Variants in GGPS1 observed in about 807,000 individuals in gnomAD.
GGPS1 encodes geranylgeranyl diphosphate synthase 1, also known as geranylgeranyl pyrophosphate synthase.
Under a neutral mutation model 28.1 loss-of-function variants are expected in GGPS1, and 15 were observed. The observed-to-expected ratio is 0.53, with a 90% CI of 0.36 to 0.82. The LOEUF (loss-of-function observed/expected upper bound fraction) is 0.82. Ranked by LOEUF, GGPS1 falls within the 40% of genes least tolerant of loss-of-function variation. The pLI, the probability that GGPS1 is intolerant of heterozygous loss-of-function variation, is 0.01. For synonymous variants in GGPS1, 138 were observed against 122.4 expected (o/e 1.13, Z -0.84); for missense variants, 284 against 348.3 (o/e 0.82, Z 1.47).
At chr1:235,340,609 G>A (rs1288900419) in intron 2 of GGPS1, among the ~76,000 whole-genome samples, 3 of 150,446 alleles carry the variant, frequency 2.0e-5, no homozygotes, top group East Asian at 3.9e-4. Context: ...GGTAGCGGGC[G>A]CCTGTAGTCC....
At chr1:235,334,072 T>C (rs2103341824) in intron 1 of GGPS1, among the ~76,000 whole-genome samples, 1 of 152,266 alleles carries the variant, frequency 6.6e-6, no homozygotes, top group Middle Eastern at 3.4e-3. Flanking sequence ...CAGATTTCAG[T>C]ATAAAGGGGA....
intron 1 of GGPS1, 90 bp from the exon 2 acceptor site, chr1:235,335,152 C>A (rs1471246255): frequency 3.2e-6 from 2 of 631,824 alleles, no homozygotes; most frequent in East Asian, 5.7e-5. Context: ...GGTGTCTTTT[C>A]ACAAACACCC....
At chr1:235,337,280 A>G (rs571634448) in intron 2 of GGPS1, among the ~76,000 whole-genome samples, 3 of 152,332 alleles carry the variant, frequency 2.0e-5, no homozygotes, top group East Asian at 1.9e-4. Context: ...GACTGCCTAC[A>G]GTTACATTTT....
At chr1:235,335,411 G>C (rs1572269643) in intron 2 of GGPS1, 77 bp downstream of exon 2, 1 of 685,722 alleles carries the variant, frequency 1.5e-6, no homozygotes, top group Non-Finnish European at 2.6e-6. Context: ...AATAGAAAAG[G>C]TTAGACTTGC....
At chr1:235,332,509 A>G (rs59063598) in intron 1 of GGPS1, among the ~76,000 whole-genome samples, 4,733 of 152,300 alleles carry the variant, frequency 0.031, 183 homozygotes, top group African/African-American at 0.093. Flanking sequence ...ACTATTGTGA[A>G]TAGTGCTGTA....
chr1:235,328,040 G>A (rs1558321042), upstream of GGPS1: 1 of 152,796 alleles, frequency 6.5e-6, no homozygotes, highest in African/African-American at 2.4e-5. Flanking sequence ...CCCTCCAGAG[G>A]ACGGCGGCGA....
chr1:235,341,177 A>G (rs1308463514), intron 2 of GGPS1, among the ~76,000 whole-genome samples: 2 of 152,078 alleles, frequency 1.3e-5, no homozygotes, highest in Admixed American at 1.3e-4. Context: ...AAAATATACA[A>G]AAATTAGCCA....
rs943292076 is a variant in GGPS1 at position 235,343,644 on chromosome 1, T to G, written c.*872T>G. ...TTCCTCTCCACCCCACAAGTTTTGCTTTTTAACCAAGGTGTCTCTGCTTGA... is the reference window on the plus strand; with the variant it reads ...TTCCTCTCCACCCCACAAGTTTTGCGTTTTAACCAAGGTGTCTCTGCTTGA... On this transcript the variant is annotated 3_prime_UTR_variant, in exon 4 of 4. Coordinates refer to ENST00000282841, the MANE Select transcript of GGPS1 (RefSeq NM_004837.4). 10 of 167,044 alleles carry G rather than the reference T, an allele frequency of 6.0e-5. No homozygotes were observed. Among genetic ancestry groups the G allele is most frequent in the African/African-American group, 2.4e-4 (10 of 41,434 alleles). The allele number at this position is 167,044 out of a possible 1,614,324, so 10.3% of individuals were successfully genotyped here. A position where few individuals can be genotyped will look rare whatever the true frequency, so the allele number is the denominator to read the frequency against.
In GGPS1 at chr1:235,341,745, T is replaced by C. The variant is rs149179399; in HGVS notation, c.108T>C (p.Asn36=). 6.7e-5 allele frequency: 108 copies of C among 1,603,438 alleles called. No individual in the cohort carries two copies. In the African/African-American group the frequency reaches 1.3e-3, roughly 19 times the overall value. The change falls in exon 3 of 4, where the codon AAT becomes AAC. Residue 36 remains asparagine, a synonymous_variant. Transcript: ENST00000282841. ...QVRTKLSQAF[N]HWLKVPEDKL... is the part of the protein sequence containing the mutation. ...GAACCAAACTTTCACAGGCATTTAATCATTGGCTGAAAGTTCCAGAGGACA... is the reference window on the plus strand; with the variant it reads ...GAACCAAACTTTCACAGGCATTTAACCATTGGCTGAAAGTTCCAGAGGACA...
rs1327563695 is a variant in GGPS1 at position 235,342,090 on chromosome 1, G to A, written c.221G>A (p.Arg74His). ...DDIEDNSKLR[R>H]GFPVAHSIYG... ...ATTGAAGACAACTCAAAACTCCGAC[G>A]TGGCTTTCCAGTGGCCCACAGCATC... is the stretch of plus-strand genomic sequence containing the variant. Residue 74 changes from arginine to histidine, a missense_variant, in exon 4 of 4, where the codon CGT (arginine) becomes CAT (histidine). Coordinates refer to ENST00000282841, the MANE Select transcript of GGPS1 (RefSeq NM_004837.4). The A allele has an allele frequency of 3.1e-6, 5 of 1,612,812 alleles. No individual in the cohort carries two copies. Among genetic ancestry groups the A allele is most frequent in the Admixed American group, 1.7e-5 (1 of 59,986 alleles).
At chr1:235,339,703 T>C (rs1451298515) in intron 2 of GGPS1, among the ~76,000 whole-genome samples, 2 of 146,308 alleles carry the variant, frequency 1.4e-5, no homozygotes, top group African/African-American at 5.1e-5. Context: ...GAGGTTGCAG[T>C]GAGCCGAGAT....
At position 235,335,237 on chromosome 1, in the gene GGPS1, G is replaced by A. The variant is rs769794626; in HGVS notation, c.-23-5G>A. 8.4e-7 allele frequency: 1 copy of A among 1,191,558 alleles called. No individual in the cohort carries two copies. Among genetic ancestry groups the A allele is most frequent in the East Asian group, 2.3e-5 (1 of 42,928 alleles). 73.8% of individuals were successfully genotyped at this position (1,191,558 alleles called of 1,614,324 possible). On this transcript the variant is annotated splice_region_variant and splice_polypyrimidine_tract_variant and intron_variant, in intron 1 of 3. Transcript: ENST00000282841. ...TGTGATCTTTATGTTTCTCCTTTTT[G>A]ACAGATTAGCTTTGAAGTTTAAATC...
In GGPS1 at chr1:235,341,795, A is replaced by G; in HGVS notation, c.141+17A>G. The G allele has an allele frequency of 7.0e-7, 1 of 1,420,694 alleles. No homozygotes were observed. The highest frequency in any genetic ancestry group is 9.9e-7 in the Non-Finnish European group (1 of 1,011,772). 88.0% of individuals were successfully genotyped at this position (1,420,694 alleles called of 1,614,324 possible). A position where few individuals can be genotyped will look rare whatever the true frequency, so the allele number is the denominator to read the frequency against. ...AAGCTACAGGTATTAGGCAACTCTA[A>G]CCTCATTAATCCCCAAGAAATTAAT... On this transcript the variant is annotated intron_variant, in intron 3 of 3. Coordinates refer to ENST00000282841, the MANE Select transcript of GGPS1 (RefSeq NM_004837.4).
chr1:235,337,219 G>A (rs1675894802), intron 2 of GGPS1: 2 of 152,434 alleles, frequency 1.3e-5, no homozygotes, highest in Admixed American at 1.3e-4. Flanking sequence ...GCTGACAAAA[G>A]TCTAACAAGC....
At chr1:235,328,240 T>TCC (rs572038480), upstream of GGPS1, 6 of 142,838 alleles carry the variant, frequency 4.2e-5, no homozygotes, top group African/African-American at 1.5e-4. Flanking sequence ...AGATTTTTTT[T>TCC]CCCCCCCTCC....
intron 1 of GGPS1, among the ~76,000 whole-genome samples, chr1:235,333,533 C>G (rs1325541475): frequency 6.7e-6 from 1 of 150,018 alleles, no homozygotes; most frequent in African/African-American, 2.5e-5. Flanking sequence ...TGCGCCACTG[C>G]ACTCCAGCCT....
intron 1 of GGPS1, among the ~76,000 whole-genome samples, chr1:235,330,949 C>G (rs565209625): frequency 6.6e-6 from 1 of 152,250 alleles, no homozygotes. Context: ...TAATGATGTT[C>G]GATAATAATC....
intron 2 of GGPS1, among the ~76,000 whole-genome samples, chr1:235,336,353 T>C (rs1675863197): frequency 6.6e-6 from 1 of 151,910 alleles, no homozygotes; most frequent in African/African-American, 2.4e-5. Flanking sequence ...ATTGCATCAC[T>C]GCACTCCAGC....
Position 235,332,689 on chromosome 1 carries a change from C to T in GGPS1, c.-23-2553C>T, listed in dbSNP as rs191277430. Among the ~76,000 whole-genome samples, 16 of 152,152 alleles carry T rather than the reference C, an allele frequency of 1.1e-4. No individual in the cohort carries two copies. In the East Asian group the frequency reaches 2.7e-3, roughly 26 times the overall value. ...TGGATTAATTTATAATATAAATCCA[C>T]AAAAGTCAGATTCTGCTCCTAAGTA... On this transcript the variant is annotated intron_variant, in intron 1 of 3. Coordinates refer to ENST00000282841, the MANE Select transcript of GGPS1 (RefSeq NM_004837.4).
Sources: gnomAD v4.1 joint callset for allele counts (sites outside exome capture counted in the v4.1 genomes callset) on GRCh38, gnomAD v4.1.1 for gene constraint, MANE v1.5 for transcripts, NCBI Gene and HGNC (gene_info 2026-07-23, HGNC 2026-07-21) for gene names.